Variants in ANK3 observed in about 807,000 individuals in gnomAD.
ANK3 encodes ankyrin 3, also known as ankyrin-3.
In ANK3, 57 loss-of-function variants were observed where a neutral mutation model predicts 370.9. The ratio of observed to expected loss-of-function variants is 0.15; its 90% confidence interval spans 0.12 to 0.19. ANK3 has a LOEUF of 0.19. Among genes scored for constraint, ANK3 ranks in the 10% least tolerant of loss-of-function variants. ANK3 has a pLI of 1.00. For synonymous variants in ANK3, 1,929 were observed against 1,946.3 expected (o/e 0.99, Z 0.23); for missense variants, 4,439 against 5,302.1 (o/e 0.84, Z 5.06).
intron 1 of ANK3, among the ~76,000 whole-genome samples, chr10:60,282,430 G>T (rs1175807126): frequency 6.6e-6 from 1 of 152,068 alleles, no homozygotes; most frequent in Non-Finnish European, 1.5e-5. Flanking sequence ...GAATTCAGTG[G>T]TTCTCTACCT....
intron 8 of ANK3, among the ~76,000 whole-genome samples, chr10:60,225,785 T>TC (rs1282529121): frequency 1.3e-5 from 2 of 152,012 alleles, no homozygotes; most frequent in African/African-American, 4.8e-5. Context: ...ATTGTAGTTT[T>TC]CCACTCTGTT....
At chr10:60,088,445 G>T in intron 28 of ANK3, 87 bp from the exon 29 acceptor site, 1 of 1,210,796 alleles carries the variant, frequency 8.3e-7, no homozygotes. Context: ...TTTTTTTTGA[G>T]ATGGAGTTTC....
chr10:60,240,301 TATATA>T (rs1565919479), intron 7 of ANK3, among the ~76,000 whole-genome samples: 43 of 99,510 alleles, frequency 4.3e-4, no homozygotes, highest in South Asian at 9.9e-4. Flanking sequence ...TATATATATA[TATATA>T]TTTTTTTTTC....
chr10:60,707,944 AGAAT>A (rs1345502515), intron 1 of ANK3, among the ~76,000 whole-genome samples: 6 of 152,214 alleles, frequency 3.9e-5, no homozygotes, highest in African/African-American at 1.4e-4. Flanking sequence ...CTGCAAAGTC[AGAAT>A]CCTGCTAGTG....
rs78053528 is a variant in ANK3, at chr10:60,472,897, C to T, written c.96+142289G>A. 3.1e-3 allele frequency among the ~76,000 whole-genome samples: 467 copies of T among 152,268 alleles called. 8 individuals carry two copies. Among genetic ancestry groups the T allele is most frequent in the African/African-American group, 0.011 (448 of 41,556 alleles). Reference sequence around the variant, plus strand: ...TAGCATTCATTGCCTATGACAGCATCCTCTTCTTCATGGAGCTCAAAGATT... The same window carrying T: ...TAGCATTCATTGCCTATGACAGCATTCTCTTCTTCATGGAGCTCAAAGATT... On this transcript the variant is annotated intron_variant, in intron 2 of 43. Transcript: ENST00000373827.
intron 8 of ANK3, among the ~76,000 whole-genome samples, chr10:60,232,271 A>G (rs1427503915): frequency 2.6e-5 from 4 of 152,164 alleles, no homozygotes; most frequent in Non-Finnish European, 5.9e-5. Flanking sequence ...GCCAACTGAA[A>G]TCTGTATATC....
intron 2 of ANK3, among the ~76,000 whole-genome samples, chr10:60,468,696 CTTT>C (rs1208686519): frequency 6.6e-6 from 1 of 151,490 alleles, no homozygotes; most frequent in Non-Finnish European, 1.5e-5. Context: ...TAAAATGCAG[CTTT>C]AAAATAAAGA....
At chr10:60,589,611 G>A (rs1274141107) in intron 2 of ANK3, among the ~76,000 whole-genome samples, 1 of 152,140 alleles carries the variant, frequency 6.6e-6, no homozygotes, top group Non-Finnish European at 1.5e-5. Context: ...TGAAAGAAGA[G>A]AGCGCCTTAA....
chr10:60,294,267 C>T lies in ANK3; in HGVS notation c.115-14628G>A, dbSNP rs916897971. ...ATGCATAAATATACTCTATATGGTG[C>T]GAATCAGATAGGAAATTACAATACA... On this transcript the variant is annotated intron_variant, in intron 1 of 43. Transcript: ENST00000280772. Among the ~76,000 whole-genome samples the T allele has an allele frequency of 3.9e-5, 6 of 151,994 alleles. 1 individual carries two copies. The South Asian group carries it at 8.3e-4, about 21-fold the overall frequency.
At chr10:60,239,353 G>T (rs1278874460) in intron 7 of ANK3, among the ~76,000 whole-genome samples, 5 of 151,850 alleles carry the variant, frequency 3.3e-5, no homozygotes, top group Non-Finnish European at 7.4e-5. Flanking sequence ...TCAAATTGCT[G>T]AAAATGAAAT....
intron 2 of ANK3, among the ~76,000 whole-genome samples, chr10:60,612,647 A>T (rs2078216522): frequency 6.6e-6 from 1 of 152,124 alleles, no homozygotes; most frequent in South Asian, 2.1e-4. Context: ...GCTTGCCACC[A>T]TGCCCGGCTA....
At chr10:60,636,968 A>C (rs1413120273) in intron 1 of ANK3, among the ~76,000 whole-genome samples, 1 of 152,100 alleles carries the variant, frequency 6.6e-6, no homozygotes, top group African/African-American at 2.4e-5. Flanking sequence ...ACCATGCAGA[A>C]CCCTTCATAC....
intron 2 of ANK3, among the ~76,000 whole-genome samples, chr10:60,500,791 C>T (rs1273026045): frequency 6.6e-6 from 1 of 152,138 alleles, no homozygotes; most frequent in Non-Finnish European, 1.5e-5. Flanking sequence ...AGTGTAAGAA[C>T]CACTGCACTA....
intron 1 of ANK3, among the ~76,000 whole-genome samples, chr10:60,385,421 G>A (rs1253163342): frequency 6.6e-6 from 1 of 151,856 alleles, no homozygotes; most frequent in African/African-American, 2.4e-5. Context: ...CTCTATGGAG[G>A]GTGATTAGTG....
intron 14 of ANK3, 53 bp from the exon 15 acceptor site, chr10:60,196,678 A>G: frequency 8.0e-7 from 1 of 1,243,176 alleles, no homozygotes; most frequent in African/African-American, 1.5e-5. Flanking sequence ...CATAAGGAAA[A>G]CACACACAAA....
At chr10:60,710,883 A>C (rs2079695234) in intron 1 of ANK3, among the ~76,000 whole-genome samples, 1 of 152,206 alleles carries the variant, frequency 6.6e-6, no homozygotes, top group Non-Finnish European at 1.5e-5. Flanking sequence ...GTTCTGGCTC[A>C]ACTAGTCTGG....
intron 2 of ANK3, among the ~76,000 whole-genome samples, chr10:60,463,047 GC>G (rs1422774537): frequency 6.6e-6 from 1 of 152,014 alleles, no homozygotes; most frequent in Admixed American, 6.5e-5. Context: ...GGGACTACAG[GC>G]TTGTGCCACC....
chr10:60,596,086 C>T (rs1332206297), intron 2 of ANK3, among the ~76,000 whole-genome samples: 2 of 152,012 alleles, frequency 1.3e-5, no homozygotes, highest in East Asian at 1.9e-4. Flanking sequence ...CTAAGAGGCT[C>T]AGTGAGGAAA....
At position 60,388,648 on chromosome 10, in the gene ANK3, A is replaced by C. The variant is rs193257787; in HGVS notation, c.114+777T>G. 1.6e-4 allele frequency among the ~76,000 whole-genome samples: 24 copies of C among 152,282 alleles called. No individual in the cohort carries two copies. In the East Asian group the frequency reaches 4.6e-3, roughly 29 times the overall value. The stretch of plus-strand genomic sequence containing the variant: ...TATAATAAATCACCACTGACCCAGA[A>C]TATTCCTCCTATTTTCCCCCTGCCT... On this transcript the variant is annotated intron_variant, in intron 1 of 43. Coordinates refer to ENST00000280772, the MANE Select transcript of ANK3 (RefSeq NM_020987.5).
Sources: allele counts gnomAD v4.1 joint callset (sites outside exome capture counted in the v4.1 genomes callset), GRCh38; gene constraint gnomAD v4.1.1; transcripts MANE v1.5; gene names NCBI Gene and HGNC (gene_info 2026-07-23, HGNC 2026-07-21).